Variants in NALF1 observed in about 807,000 individuals in gnomAD.
NALF1 encodes the protein family with sequence similarity 155 member A.
NALF1 carries 3 observed loss-of-function variants against 48.4 expected under a neutral mutation model. That is an observed-to-expected ratio of 0.06 (90% CI 0.03 to 0.16). The LOEUF (loss-of-function observed/expected upper bound fraction) is 0.16. Ranked by LOEUF, NALF1 falls within the 10% of genes least tolerant of loss-of-function variation. The pLI, the probability that NALF1 is intolerant of heterozygous loss-of-function variation, is 1.00. For synonymous variants in NALF1, 262 were observed against 245.7 expected, an observed-to-expected ratio of 1.07 and a Z score of -0.62; for missense variants, 526 against 571.5, an observed-to-expected ratio of 0.92 and a Z score of 0.81.
At chr13:107,431,929 T>C (rs1884388667) in intron 1 of NALF1, among the ~76,000 whole-genome samples, 1 of 152,162 alleles carries the variant, frequency 6.6e-6, no homozygotes, top group South Asian at 2.1e-4. Flanking sequence ...GCGGTGAACA[T>C]GAGGGACCAC....
intron 1 of NALF1, among the ~76,000 whole-genome samples, chr13:107,235,789 T>G (rs1880329695): frequency 6.6e-6 from 1 of 152,272 alleles, no homozygotes; most frequent in East Asian, 1.9e-4. Flanking sequence ...CCATCAAGCA[T>G]TTTCTAAAGA....
intron 1 of NALF1, among the ~76,000 whole-genome samples, chr13:107,569,421 G>C (rs964806050): frequency 3.6e-4 from 54 of 151,850 alleles, no homozygotes; most frequent in East Asian, 5.8e-4. Context: ...GCAGTGAGCC[G>C]AGATGGCGCC....
chr13:107,214,507 T>C (rs1390869167), intron 1 of NALF1, among the ~76,000 whole-genome samples: 1 of 152,110 alleles, frequency 6.6e-6, no homozygotes, highest in Non-Finnish European at 1.5e-5. Flanking sequence ...GTGTGCGAGG[T>C]CTCTGGTGAC....
At chr13:107,479,584 T>C (rs1017437776) in intron 1 of NALF1, among the ~76,000 whole-genome samples, 2 of 152,122 alleles carry the variant, frequency 1.3e-5, no homozygotes, top group Non-Finnish European at 1.5e-5. Context: ...GTTAAACAGT[T>C]AATTTCTAAA....
chr13:107,775,674 A>C (rs2138574001), intron 1 of NALF1, among the ~76,000 whole-genome samples: 1 of 152,048 alleles, frequency 6.6e-6, no homozygotes, highest in East Asian at 1.9e-4. Context: ...TCCCACCAAC[A>C]GTGTAAAAGT....
intron 1 of NALF1, among the ~76,000 whole-genome samples, chr13:107,423,007 C>G (rs1212612811): frequency 6.6e-6 from 1 of 152,152 alleles, no homozygotes; most frequent in Non-Finnish European, 1.5e-5. Context: ...TTAGGGAAAC[C>G]TATTGTGACC....
chr13:107,600,131 T>C (rs1236798377), intron 1 of NALF1, among the ~76,000 whole-genome samples: 3 of 152,188 alleles, frequency 2.0e-5, no homozygotes, highest in Non-Finnish European at 4.4e-5. Context: ...TCAGGAAATA[T>C]TGTAGGTAAG....
At chr13:107,855,438 T>G (rs952052893) in intron 1 of NALF1, among the ~76,000 whole-genome samples, 7 of 152,242 alleles carry the variant, frequency 4.6e-5, no homozygotes, top group Non-Finnish European at 1.0e-4. Context: ...CTTCTTCCAA[T>G]GTGGCCCCCA....
At chr13:107,825,668 T>A (rs1013484669) in intron 1 of NALF1, among the ~76,000 whole-genome samples, 4 of 152,244 alleles carry the variant, frequency 2.6e-5, no homozygotes, top group Admixed American at 6.5e-5. Context: ...TATAAAGTTC[T>A]TCACCCATGA....
intron 1 of NALF1, among the ~76,000 whole-genome samples, chr13:107,419,245 A>C (rs1555299692): frequency 6.6e-6 from 1 of 152,226 alleles, no homozygotes; most frequent in Non-Finnish European, 1.5e-5. Context: ...TCAGATTAAA[A>C]CAAAGGTAGG....
intron 1 of NALF1, among the ~76,000 whole-genome samples, chr13:107,535,976 A>G (rs528126571): frequency 5.3e-5 from 8 of 152,322 alleles, no homozygotes; most frequent in Non-Finnish European, 1.0e-4. Flanking sequence ...AGAAATGGGG[A>G]AAGGATTCCT....
intron 1 of NALF1, among the ~76,000 whole-genome samples, chr13:107,520,266 T>C (rs80290902): frequency 1.3e-5 from 2 of 152,264 alleles, no homozygotes; most frequent in South Asian, 2.1e-4. Flanking sequence ...GGTTCTCTGA[T>C]GAAGATTTTC....
chr13:107,764,606 A>G (rs1877371298), intron 1 of NALF1, among the ~76,000 whole-genome samples: 2 of 152,144 alleles, frequency 1.3e-5, no homozygotes, highest in South Asian at 4.1e-4. Context: ...ACTTTGTAAA[A>G]CCAGCACATA....
intron 1 of NALF1, among the ~76,000 whole-genome samples, chr13:107,325,141 A>C (rs768579966): frequency 1.3e-5 from 2 of 152,218 alleles, no homozygotes; most frequent in Non-Finnish European, 2.9e-5. Flanking sequence ...TTCACGTCCT[A>C]ATATTATTAG....
At chr13:107,666,849 C>G (rs1195579820) in intron 1 of NALF1, among the ~76,000 whole-genome samples, 2 of 152,050 alleles carry the variant, frequency 1.3e-5, no homozygotes, top group Admixed American at 6.6e-5. Context: ...TTAGTTCGTG[C>G]TTCAATTTCA....
intron 1 of NALF1, among the ~76,000 whole-genome samples, chr13:107,264,717 C>A (rs913324160): frequency 7.2e-5 from 11 of 152,194 alleles, no homozygotes; most frequent in African/African-American, 2.7e-4. Context: ...ATCTGTGCAG[C>A]TACTCAGGTT....
chr13:107,268,226 G>A (rs1420027650), intron 1 of NALF1, among the ~76,000 whole-genome samples: 7 of 151,966 alleles, frequency 4.6e-5, no homozygotes, highest in African/African-American at 1.7e-4. Flanking sequence ...TTGACCTCAT[G>A]TTCTGGCCGC....
intron 2 of NALF1, among the ~76,000 whole-genome samples, chr13:107,177,687 T>C (rs1329857063): frequency 6.6e-6 from 1 of 152,126 alleles, no homozygotes; most frequent in African/African-American, 2.4e-5. Flanking sequence ...AAACTAGATA[T>C]CCATATGCAG....
chr13:107,677,142 G>T (rs1881153267), intron 1 of NALF1, among the ~76,000 whole-genome samples: 1 of 152,214 alleles, frequency 6.6e-6, no homozygotes, highest in Non-Finnish European at 1.5e-5. Context: ...CGCCTCCCCA[G>T]TTCAAGTGAT....
Sources: allele counts gnomAD v4.1 joint callset (sites outside exome capture counted in the v4.1 genomes callset), GRCh38; gene constraint gnomAD v4.1.1; transcripts MANE v1.5; gene names NCBI Gene and HGNC (gene_info 2026-07-23, HGNC 2026-07-21).